Variants in POT1 observed in about 807,000 individuals in gnomAD.
POT1 encodes the protein protection of telomeres protein 1.
A neutral mutation model predicts 78.5 loss-of-function variants in POT1; 47 were observed. That is an observed-to-expected ratio of 0.60 (90% CI 0.47 to 0.76). The LOEUF (loss-of-function observed/expected upper bound fraction) is 0.76. POT1 is among the 30% of genes least tolerant of loss of function. The pLI, the probability that POT1 is intolerant of heterozygous loss-of-function variation, is 0.00. For synonymous variants in POT1, 259 were observed against 260.7 expected (o/e 0.99, Z 0.06); for missense variants, 646 against 749.9 (o/e 0.86, Z 1.62).
intron 9 of POT1, among the ~76,000 whole-genome samples, chr7:124,856,807 T>A (rs772075794): frequency 6.6e-5 from 10 of 152,154 alleles, no homozygotes; most frequent in Admixed American, 5.9e-4. Flanking sequence ...TGAAAAAACC[T>A]CCAGAACTGA....
chr7:124,857,388 C>A (rs896793191), intron 9 of POT1, among the ~76,000 whole-genome samples: 1 of 152,216 alleles, frequency 6.6e-6, no homozygotes, highest in African/African-American at 2.4e-5. Context: ...AAGGACCCTG[C>A]TCTCAAGCTG....
chr7:124,882,661 C>A (rs938981043), intron 6 of POT1, among the ~76,000 whole-genome samples: 3 of 151,114 alleles, frequency 2.0e-5, no homozygotes, highest in African/African-American at 4.9e-5. Flanking sequence ...AGTCTTTTAA[C>A]TGAATGAGTA....
chr7:124,844,126 G>GTTT (rs34848715), intron 12 of POT1, among the ~76,000 whole-genome samples: 3 of 127,222 alleles, frequency 2.4e-5, no homozygotes, highest in Non-Finnish European at 3.3e-5. Flanking sequence ...GGCGATTGTG[G>GTTT]TTTTTTTTTT....
chr7:124,876,213 G>A (rs1210055357), intron 6 of POT1, among the ~76,000 whole-genome samples: 1 of 152,108 alleles, frequency 6.6e-6, no homozygotes, highest in East Asian at 1.9e-4. Flanking sequence ...AGGAAAATAT[G>A]GGATTATGAA....
chr7:124,875,205 T>C (rs1047967626), intron 6 of POT1, among the ~76,000 whole-genome samples: 3 of 152,220 alleles, frequency 2.0e-5, no homozygotes, highest in African/African-American at 7.2e-5. Context: ...CATATGGCTC[T>C]ATTGTACCCT....
intron 8 of POT1, 50 bp from the exon 9 acceptor site, chr7:124,859,162 G>C: frequency 7.2e-7 from 1 of 1,387,354 alleles, no homozygotes; most frequent in Non-Finnish European, 9.5e-7. Flanking sequence ...AAAAATGCTT[G>C]TGCTAAAAAG....
At chr7:124,918,522 A>G (rs1797072080) in intron 2 of POT1, among the ~76,000 whole-genome samples, 1 of 152,194 alleles carries the variant, frequency 6.6e-6, no homozygotes, top group South Asian at 2.1e-4. Flanking sequence ...TTTTTGGGTG[A>G]TCATGCTATA....
intron 10 of POT1, among the ~76,000 whole-genome samples, chr7:124,852,713 T>C (rs1795340447): frequency 6.6e-6 from 1 of 152,104 alleles, no homozygotes; most frequent in African/African-American, 2.4e-5. Flanking sequence ...TTGGAGAGTG[T>C]GGTAAATGAT....
intron 2 of POT1, among the ~76,000 whole-genome samples, chr7:124,925,491 C>A (rs1362404774): frequency 6.6e-6 from 1 of 151,990 alleles, no homozygotes; most frequent in Non-Finnish European, 1.5e-5. Context: ...ACATCCCATG[C>A]TCGTGGATCA....
chr7:124,885,644 T>C (rs1796226740), intron 6 of POT1, among the ~76,000 whole-genome samples: 1 of 152,042 alleles, frequency 6.6e-6, no homozygotes, highest in Non-Finnish European at 1.5e-5. Context: ...CTGGTGCCTG[T>C]AGTCCCAGCT....
At chr7:124,847,749 C>A (rs1247136023) in intron 11 of POT1, among the ~76,000 whole-genome samples, 2 of 152,206 alleles carry the variant, frequency 1.3e-5, no homozygotes, top group African/African-American at 4.8e-5. Context: ...AATAAACCCA[C>A]ATTTACATTG....
At chr7:124,850,616 C>T (rs952660201) in intron 11 of POT1, among the ~76,000 whole-genome samples, 3 of 151,894 alleles carry the variant, frequency 2.0e-5, no homozygotes, top group Admixed American at 1.3e-4. Context: ...CCTGTAGTCC[C>T]AGCTATTGGG....
chr7:124,885,053 G>A (rs898082806), intron 6 of POT1, among the ~76,000 whole-genome samples: 11 of 152,056 alleles, frequency 7.2e-5, no homozygotes, highest in East Asian at 3.9e-4. Flanking sequence ...GTATAGGTAA[G>A]GTTTTCAGAG....
chr7:124,835,096 G>C (rs1266696219), intron 15 of POT1, among the ~76,000 whole-genome samples, 183 bp downstream of exon 15: 2 of 152,156 alleles, frequency 1.3e-5, no homozygotes, highest in Non-Finnish European at 2.9e-5. Flanking sequence ...CCTGTCAGGG[G>C]GTGGGAGGCT....
At chr7:124,854,399 AC>A (rs1009180337) in intron 9 of POT1, among the ~76,000 whole-genome samples, 17 of 152,034 alleles carry the variant, frequency 1.1e-4, no homozygotes, top group African/African-American at 4.1e-4. Flanking sequence ...AGAATTCTGG[AC>A]TTTTAGATTA....
At chr7:124,863,883 T>C (rs1795659569) in intron 7 of POT1, among the ~76,000 whole-genome samples, 1 of 152,144 alleles carries the variant, frequency 6.6e-6, no homozygotes, top group Non-Finnish European at 1.5e-5. Flanking sequence ...CTTACATTTT[T>C]TAAAGAGCTA....
chr7:124,861,290 T>C (rs907415282), intron 8 of POT1, among the ~76,000 whole-genome samples: 30 of 152,172 alleles, frequency 2.0e-4, no homozygotes, highest in African/African-American at 7.2e-4. Flanking sequence ...TTTTAACGAT[T>C]GCCATTCTAA....
At chr7:124,829,073 T>C (rs549073146) in intron 16 of POT1, 181 bp downstream of exon 16, 2 of 764,066 alleles carry the variant, frequency 2.6e-6, no homozygotes, top group Admixed American at 1.7e-5. Flanking sequence ...CTTGAAGAAA[T>C]ACAGACTAAA....
At chr7:124,868,700 A>T (rs983906447) in intron 7 of POT1, among the ~76,000 whole-genome samples, 40 of 150,294 alleles carry the variant, frequency 2.7e-4, no homozygotes, top group African/African-American at 9.7e-4. Context: ...AATATAATTC[A>T]ATATATATAT....
Sources: allele counts gnomAD v4.1 joint callset (sites outside exome capture counted in the v4.1 genomes callset), GRCh38; gene constraint gnomAD v4.1.1; transcripts MANE v1.5; gene names NCBI Gene and HGNC (gene_info 2026-07-23, HGNC 2026-07-21).